Variants in EPM2A observed in about 807,000 individuals in gnomAD.
EPM2A encodes laforin.
In EPM2A, 21 loss-of-function variants were observed where a neutral mutation model predicts 26.5. The observed-to-expected ratio is 0.79, with a 90% CI of 0.56 to 1.14. The LOEUF (loss-of-function observed/expected upper bound fraction) is 1.14. EPM2A is among the 50% of genes most tolerant of loss of function. The pLI, the probability that EPM2A is intolerant of heterozygous loss-of-function variation, is 0.00. For missense variants in EPM2A, 458 were observed against 440.8 expected (o/e 1.04, Z -0.35); for synonymous variants, 217 against 177.6 (o/e 1.22, Z -1.76).
rs551209824 is a variant in EPM2A, at chr6:145,441,776, C to A, written c.556-57679G>T. On this transcript the variant is annotated intron_variant, in intron 4 of 4. Coordinates refer to the EPM2A transcript ENST00000638717. ...ACTTGGGAGGCTGAGGCAGGAGAATCACTTGAACATGGGAGGCAAAGATTG... is the reference window on the plus strand; with the variant it reads ...ACTTGGGAGGCTGAGGCAGGAGAATAACTTGAACATGGGAGGCAAAGATTG... Among the ~76,000 whole-genome samples, 5 of 152,260 alleles carry A rather than the reference C, an allele frequency of 3.3e-5. No individual in the cohort carries two copies. The South Asian group carries it at 1.0e-3, about 32-fold the overall frequency.
chr6:145,634,002 A>C (rs549090778), intron 3 of EPM2A: 1 of 152,306 alleles, frequency 6.6e-6, no homozygotes, highest in African/African-American at 2.4e-5. Flanking sequence ...CTGGAGTCTT[A>C]TTATGAGAAT....
At chr6:145,469,733 A>G (rs1413474915) in intron 4 of EPM2A, among the ~76,000 whole-genome samples, 1 of 152,188 alleles carries the variant, frequency 6.6e-6, no homozygotes, top group East Asian at 1.9e-4. Context: ...TGTTTACTGC[A>G]GCACTATTCA....
At chr6:145,558,210 C>T (rs1222575106) in intron 2 of EPM2A, among the ~76,000 whole-genome samples, 2 of 151,764 alleles carry the variant, frequency 1.3e-5, no homozygotes, top group Non-Finnish European at 2.9e-5. Context: ...GTATAGATCT[C>T]GTGAGACTTA....
chr6:145,643,976 G>A (rs1214502469), intron 2 of EPM2A, among the ~76,000 whole-genome samples: 3 of 152,172 alleles, frequency 2.0e-5, no homozygotes, highest in African/African-American at 7.2e-5. Flanking sequence ...CATGTGAGCT[G>A]GAGCCTGAGA....
chr6:145,679,946 A>G (rs914285714), intron 2 of EPM2A: 1 of 152,154 alleles, frequency 6.6e-6, no homozygotes, highest in Non-Finnish European at 1.5e-5. Flanking sequence ...TATTGGGAAG[A>G]ATGAACAATA....
intron 4 of EPM2A, among the ~76,000 whole-genome samples, chr6:145,487,977 C>T (rs1310878553): frequency 6.6e-6 from 1 of 152,114 alleles, no homozygotes; most frequent in East Asian, 1.9e-4. Context: ...TTTAATCCAT[C>T]TTGAGTTAAT....
intron 1 of EPM2A, 35 bp from the exon 2 acceptor site, chr6:145,686,331 A>G (rs760949303): frequency 2.6e-6 from 4 of 1,566,872 alleles, no homozygotes; most frequent in East Asian, 2.2e-5. Context: ...AGAGCAATTA[A>G]ATCAGTGTTT....
chr6:145,486,572 T>C (rs565357223), intron 4 of EPM2A, among the ~76,000 whole-genome samples: 1 of 152,288 alleles, frequency 6.6e-6, no homozygotes, highest in Admixed American at 6.5e-5. Context: ...GTTTCTACTT[T>C]GTATCCTTTG....
chr6:145,726,975 T>C (rs942045929), intron 1 of EPM2A, among the ~76,000 whole-genome samples: 22 of 152,258 alleles, frequency 1.4e-4, no homozygotes, highest in African/African-American at 4.8e-4. Context: ...GTAAGGAGTA[T>C]ATAAGAACAC....
chr6:145,401,777 G>T (rs1406792177), intron 4 of EPM2A, among the ~76,000 whole-genome samples: 1 of 152,110 alleles, frequency 6.6e-6, no homozygotes, highest in East Asian at 1.9e-4. Flanking sequence ...AGGGCTTAAA[G>T]AATGATCATG....
At chr6:145,394,347 GCAC>G (rs1778377443) in intron 4 of EPM2A, among the ~76,000 whole-genome samples, 1 of 152,060 alleles carries the variant, frequency 6.6e-6, no homozygotes, top group Non-Finnish European at 1.5e-5. Context: ...TTGCCACTGA[GCAC>G]CAGGCTTTTA....
intron 2 of EPM2A, among the ~76,000 whole-genome samples, chr6:145,581,552 T>C (rs1311634258): frequency 6.6e-6 from 1 of 152,178 alleles, no homozygotes; most frequent in Non-Finnish European, 1.5e-5. Context: ...TTGGCATCTT[T>C]GTCATGAAGT....
intron 4 of EPM2A, among the ~76,000 whole-genome samples, chr6:145,472,210 T>C (rs1343649009): frequency 6.6e-6 from 1 of 151,590 alleles, no homozygotes; most frequent in Non-Finnish European, 1.5e-5. Flanking sequence ...CCTGCCAGCA[T>C]TCATCACTTA....
intron 2 of EPM2A, among the ~76,000 whole-genome samples, chr6:145,560,576 A>T (rs1247973721): frequency 6.6e-6 from 1 of 152,208 alleles, no homozygotes; most frequent in Non-Finnish European, 1.5e-5. Flanking sequence ...TAACCCTGGC[A>T]AAATCCATAT....
At chr6:145,585,625 C>G (rs1781186044) in intron 2 of EPM2A, among the ~76,000 whole-genome samples, 1 of 151,962 alleles carries the variant, frequency 6.6e-6, no homozygotes, top group African/African-American at 2.4e-5. Flanking sequence ...ATTATGAAGT[C>G]TTATTTATGG....
At chr6:145,579,047 T>C (rs1027164346) in intron 2 of EPM2A, among the ~76,000 whole-genome samples, 7 of 152,090 alleles carry the variant, frequency 4.6e-5, no homozygotes, top group African/African-American at 1.7e-4. Context: ...ATATACCTAA[T>C]GTTAAATGAC....
At chr6:145,391,289 T>G (rs180983902) in intron 4 of EPM2A, among the ~76,000 whole-genome samples, 1 of 152,248 alleles carries the variant, frequency 6.6e-6, no homozygotes, top group Non-Finnish European at 1.5e-5. Context: ...TGCCCCTCCC[T>G]TTTTGCAGTT....
intron 2 of EPM2A, among the ~76,000 whole-genome samples, chr6:145,567,931 C>T (rs1409448327): frequency 1.3e-5 from 2 of 152,156 alleles, no homozygotes; most frequent in African/African-American, 2.4e-5. Context: ...TGACTTTCCT[C>T]CAGTACAGGC....
intron 2 of EPM2A, among the ~76,000 whole-genome samples, chr6:145,650,699 A>G (rs1327642816): frequency 3.3e-5 from 5 of 152,198 alleles, no homozygotes; most frequent in African/African-American, 1.2e-4. Flanking sequence ...GTAGAGCTTA[A>G]GCAACTTCTC....
Sources: gnomAD v4.1 joint callset for allele counts (sites outside exome capture counted in the v4.1 genomes callset) on GRCh38, gnomAD v4.1.1 for gene constraint, MANE v1.5 for transcripts, NCBI Gene and HGNC (gene_info 2026-07-23, HGNC 2026-07-21) for gene names.